VWF: variants seen among roughly 807,000 people sequenced by gnomAD.
The protein encoded by VWF is von Willebrand factor.
In VWF, 176 loss-of-function variants were observed where a neutral mutation model predicts 308.6. The ratio of observed to expected loss-of-function variants is 0.57; its 90% CI spans 0.50 to 0.65. VWF has a LOEUF of 0.65. Ranked by LOEUF, VWF falls within the 30% of genes least tolerant of loss-of-function variation. The pLI is 0.00. For missense variants in VWF, 3,146 were observed against 3,648.2 expected (o/e 0.86, Z 3.55); for synonymous variants, 1,385 against 1,443.4 (o/e 0.96, Z 0.92).
intron 47 of VWF, among the ~76,000 whole-genome samples, chr12:5,957,031 T>A (rs566764806): frequency 1.3e-5 from 2 of 152,204 alleles, no homozygotes; most frequent in Non-Finnish European, 2.9e-5. Context: ...GTCATTTTTA[T>A]CCTTTATATA....
chr12:6,045,504 A>G (rs216296), intron 17 of VWF, among the ~76,000 whole-genome samples: 139,263 of 152,270 alleles, frequency 0.91, 63,815 homozygotes, highest in African/African-American at 0.95. Flanking sequence ...GGGTGTGGGG[A>G]AAACTCTCTG....
chr12:5,964,238 A>ACATACATGCATACATACATACATACATG (rs757631019), intron 47 of VWF, among the ~76,000 whole-genome samples: 8 of 138,716 alleles, frequency 5.8e-5, no homozygotes, highest in African/African-American at 2.3e-4. Flanking sequence ...ATACATACAT[A>ACATACATGCATACATACATACATACATG]CATACATACA....
chr12:6,077,126 A>G (rs995005483), intron 6 of VWF, among the ~76,000 whole-genome samples: 9 of 152,190 alleles, frequency 5.9e-5, no homozygotes, highest in African/African-American at 2.2e-4. Flanking sequence ...CCTGGCCAAT[A>G]TGGTGAGACC....
Position 5,991,984 on chromosome 12 carries a change from G to C in VWF, c.6633C>G (p.His2211Gln), listed in dbSNP as rs1943750649. The change falls in exon 38 of 52, where the codon CAC (histidine) becomes CAG (glutamine). Residue 2211 changes from histidine to glutamine, a missense_variant. Transcript: ENST00000261405. ...MSCPPSLVYN[H>Q]CEHGCPRHCD... is the part of the protein sequence containing the mutation. ...AGTGCCGGGGACAGCCATGCTCACA[G>C]TGGTTGTAGACCAGAGATGGTGGGC... 1 of 1,614,228 alleles carries C rather than the reference G, an allele frequency of 6.2e-7. No individual in the cohort carries two copies. Among genetic ancestry groups the C allele is most frequent in the Non-Finnish European group, 8.5e-7 (1 of 1,180,046 alleles).
chr12:5,961,511 AAAGG>A (rs1943315532), intron 47 of VWF, among the ~76,000 whole-genome samples: 1 of 152,066 alleles, frequency 6.6e-6, no homozygotes, highest in Non-Finnish European at 1.5e-5. Context: ...TAAAGATTTC[AAAGG>A]AAGAAGTAAA....
chr12:6,027,884 C>CACACACA (rs1565835390), intron 22 of VWF, among the ~76,000 whole-genome samples: 2 of 106,974 alleles, frequency 1.9e-5, no homozygotes, highest in East Asian at 7.5e-4. Flanking sequence ...ACACACACAC[C>CACACACA]CCTAAACAAA....
chr12:5,971,198 G>A (rs1050189609), intron 44 of VWF, among the ~76,000 whole-genome samples: 3 of 152,218 alleles, frequency 2.0e-5, no homozygotes, highest in East Asian at 1.9e-4. Flanking sequence ...CACCAAGGAG[G>A]TTTCAGTAGA....
chr12:6,025,797 G>A, intron 23 of VWF, 104 bp from the exon 24 acceptor site: 1 of 1,592,470 alleles, frequency 6.3e-7, no homozygotes, highest in Non-Finnish European at 8.6e-7. Context: ...CAGCCACCTG[G>A]AGGTCATACC....
At chr12:5,962,310 T>C in intron 47 of VWF, among the ~76,000 whole-genome samples, 1 of 152,172 alleles carries the variant, frequency 6.6e-6, no homozygotes, top group Non-Finnish European at 1.5e-5. Flanking sequence ...ACTTTAAACA[T>C]TTTTTTAATA....
chr12:5,968,154 G>A lies in VWF; in HGVS notation c.7743C>T (p.Ala2581=), dbSNP rs1210367033. ...CAATGACAGTGCCATTGAGCATGCA[G>A]GCCTCCATGCGCTCTGGGGGAGAGA... ...CPSCRCERME[A]CMLNGTVIGP... The change falls in exon 46 of 52, where the codon GCC becomes GCT. Residue 2581 remains alanine (A), a synonymous_variant. Transcript: ENST00000261405. 1 of 1,614,112 alleles carries A rather than the reference G, an allele frequency of 6.2e-7. No individual in the cohort carries two copies. Among genetic ancestry groups the A allele is most frequent in the East Asian group, 2.2e-5 (1 of 44,872 alleles).
chr12:5,975,187 C>T (rs548792740), intron 43 of VWF, among the ~76,000 whole-genome samples: 7 of 152,328 alleles, frequency 4.6e-5, no homozygotes, highest in South Asian at 2.1e-4. Context: ...GCCTGGGTTT[C>T]GGGATTTGCC....
intron 3 of VWF, among the ~76,000 whole-genome samples, chr12:6,116,056 C>T (rs1291065171): frequency 6.6e-6 from 1 of 152,192 alleles, no homozygotes; most frequent in Non-Finnish European, 1.5e-5. Flanking sequence ...CCCTCATTCC[C>T]TCCATGCAGA....
chr12:5,990,422 A>G (rs1231210980), intron 38 of VWF, among the ~76,000 whole-genome samples: 1 of 152,182 alleles, frequency 6.6e-6, no homozygotes, highest in Non-Finnish European at 1.5e-5. Flanking sequence ...GGCTTATAAC[A>G]TCAGGGACAG....
chr12:6,106,910 T>G (rs1219393195), intron 5 of VWF, among the ~76,000 whole-genome samples: 1 of 151,464 alleles, frequency 6.6e-6, no homozygotes, highest in Non-Finnish European at 1.5e-5. Flanking sequence ...GATAGTAAAT[T>G]TTATGTTACA....
chr12:6,121,229 T>A lies in VWF; in HGVS notation c.165A>T (p.Gly55=), dbSNP rs376119507. The A allele has an allele frequency of 3.1e-6, 5 of 1,614,202 alleles. No individual in the cohort carries two copies. The highest frequency in any genetic ancestry group is 3.4e-6 in the Non-Finnish European group (4 of 1,180,030). ...CCCCTGCCAGGAGGTAACTGCAGTA[T>A]CCCGCAAAGCTGTACATGCTCCCAT... ...TFDGSMYSFA[G]YCSYLLAGGC... Residue 55 remains glycine (G), a synonymous_variant, in exon 3 of 52, where the codon GGA becomes GGT. Coordinates refer to ENST00000261405, the MANE Select transcript of VWF (RefSeq NM_000552.5).
intron 4 of VWF, 75 bp from the exon 5 acceptor site, chr12:6,110,657 A>G (rs1945298577): frequency 5.3e-6 from 8 of 1,516,738 alleles, no homozygotes; most frequent in Non-Finnish European, 7.3e-6. Context: ...TTCTAACCCC[A>G]ACCCCATGTT....
intron 6 of VWF, among the ~76,000 whole-genome samples, chr12:6,076,399 C>T (rs1170165513): frequency 6.6e-6 from 1 of 152,174 alleles, no homozygotes; most frequent in African/African-American, 2.4e-5. Flanking sequence ...CTTAGGATGG[C>T]TATCATATTT....
chr12:5,956,919 A>G (rs1943258162), intron 47 of VWF, among the ~76,000 whole-genome samples: 1 of 152,198 alleles, frequency 6.6e-6, no homozygotes, highest in Non-Finnish European at 1.5e-5. Flanking sequence ...GACTATAGCA[A>G]TGTCCTAGGT....
At chr12:5,986,647 T>C (rs895816712) in intron 38 of VWF, among the ~76,000 whole-genome samples, 1 of 152,166 alleles carries the variant, frequency 6.6e-6, no homozygotes, top group Non-Finnish European at 1.5e-5. Flanking sequence ...TTAACCCCTC[T>C]GGTCCTGCCC....
Sources: allele counts gnomAD v4.1 joint callset (sites outside exome capture counted in the v4.1 genomes callset), GRCh38; gene constraint gnomAD v4.1.1; transcripts MANE v1.5; gene names NCBI Gene and HGNC (gene_info 2026-07-23, HGNC 2026-07-21).